Variants in ANK2 observed in about 807,000 individuals in gnomAD.
ANK2 encodes the protein ankyrin-2.
ANK2 carries 83 observed loss-of-function variants against 360.5 expected under a neutral mutation model. That is an observed-to-expected ratio of 0.23 (90% CI 0.19 to 0.28). The LOEUF is 0.28. Ranked by LOEUF, ANK2 falls within the 10% of genes least tolerant of loss-of-function variation. The probability of loss-of-function intolerance (pLI) is 1.00; values close to 1 mark genes in which losing one functional copy is unlikely to be tolerated. For missense variants in ANK2, 4,201 were observed against 4,795.7 expected, an observed-to-expected ratio of 0.88 and a Z score of 3.66; for synonymous variants, 1,740 against 1,759.5, an observed-to-expected ratio of 0.99 and a Z score of 0.28.
intron 2 of ANK2, among the ~76,000 whole-genome samples, chr4:113,038,698 A>G (rs1057043307): frequency 1.3e-5 from 2 of 152,096 alleles, no homozygotes; most frequent in South Asian, 2.1e-4. Context: ...CCTTAATTGG[A>G]CAGGCACTTG....
chr4:112,950,649 G>GA (rs55980674), intron 2 of ANK2, among the ~76,000 whole-genome samples: 34 of 118,780 alleles, frequency 2.9e-4, no homozygotes, highest in Middle Eastern at 4.5e-3. Flanking sequence ...GTCTCAAAAA[G>GA]AAAAAAAAAA....
In ANK2 at chr4:113,049,943, C is replaced by T. The variant is rs1051727013; in HGVS notation, c.84+131C>T. 3 of 1,210,020 alleles carry T rather than the reference C, an allele frequency of 2.5e-6. No homozygotes were observed. The African/African-American group carries it at 4.6e-5, about 18-fold the overall frequency. The allele number at this position is 1,210,020 out of a possible 1,614,324, so 75.0% of individuals were successfully genotyped here. On this transcript the variant is annotated intron_variant, in intron 1 of 45. Coordinates refer to ENST00000357077, the MANE Select transcript of ANK2 (RefSeq NM_001148.6). ...ACTGTAGACGATAACAGTGCCAAGC[C>T]TTGCTTTTTAAAGAGGCAGGTGCAA... is the stretch of plus-strand genomic sequence containing the variant.
chr4:113,012,812 A>T (rs961294), intron 2 of ANK2, among the ~76,000 whole-genome samples: 84,834 of 151,950 alleles, frequency 0.56, 25,539 homozygotes, highest in Non-Finnish European at 0.69. Context: ...TATTGAATAT[A>T]CATATCACAT....
intron 2 of ANK2, among the ~76,000 whole-genome samples, chr4:113,037,494 C>T (rs879761648): frequency 6.6e-6 from 1 of 151,854 alleles, no homozygotes; most frequent in Non-Finnish European, 1.5e-5. Context: ...TTTTTTGACA[C>T]TTATGCAAGA....
chr4:113,096,233 A>G (rs2090971124), intron 1 of ANK2, among the ~76,000 whole-genome samples: 1 of 152,188 alleles, frequency 6.6e-6, no homozygotes, highest in Admixed American at 6.6e-5. Flanking sequence ...GCTGTTTACA[A>G]AAGTCTCCCA....
intron 1 of ANK2, among the ~76,000 whole-genome samples, chr4:112,887,549 A>C (rs1282776969): frequency 1.3e-5 from 2 of 152,224 alleles, no homozygotes; most frequent in Non-Finnish European, 2.9e-5. Context: ...TATATGAATA[A>C]AAGATATGTG....
intron 10 of ANK2, among the ~76,000 whole-genome samples, chr4:113,254,224 A>C (rs753371190): frequency 2.0e-5 from 3 of 152,064 alleles, no homozygotes; most frequent in Non-Finnish European, 4.4e-5. Flanking sequence ...AATATACTAT[A>C]TACTTTAATT....
intron 2 of ANK2, among the ~76,000 whole-genome samples, chr4:113,018,714 G>C (rs1243794060): frequency 6.6e-6 from 1 of 152,214 alleles, no homozygotes; most frequent in Non-Finnish European, 1.5e-5. Flanking sequence ...GGTTGTTCTT[G>C]ATCATGCTTC....
At chr4:112,926,507 C>T (rs549307684) in intron 2 of ANK2, among the ~76,000 whole-genome samples, 2 of 152,252 alleles carry the variant, frequency 1.3e-5, no homozygotes, top group East Asian at 1.9e-4. Flanking sequence ...CTGAAATGGG[C>T]AGAAGAAATC....
chr4:112,741,573 A>G, the ANK2 span, among the ~76,000 whole-genome samples: 8 of 152,328 alleles, frequency 5.3e-5, no homozygotes, highest in East Asian at 1.3e-3. Flanking sequence ...GCCTAGTGTA[A>G]GCATTGCTCG....
chr4:113,352,811 T>A (rs938580145), intron 37 of ANK2, among the ~76,000 whole-genome samples: 1 of 152,074 alleles, frequency 6.6e-6, no homozygotes, highest in Non-Finnish European at 1.5e-5. Flanking sequence ...GTGAGAAAAA[T>A]TAAGCAAGTT....
At chr4:112,781,272 G>T in the ANK2 span, among the ~76,000 whole-genome samples, 6 of 152,020 alleles carry the variant, frequency 3.9e-5, no homozygotes, top group Non-Finnish European at 8.8e-5. Flanking sequence ...GCTAATTTTT[G>T]TATTTTTAGT....
At chr4:113,040,232 A>G (rs908624234) in intron 2 of ANK2, among the ~76,000 whole-genome samples, 1 of 152,056 alleles carries the variant, frequency 6.6e-6, no homozygotes, top group African/African-American at 2.4e-5. Flanking sequence ...ACATTTTGTT[A>G]TTCTTCAGTG....
chr4:112,833,863 A>T (rs751243602), intron 1 of ANK2, among the ~76,000 whole-genome samples: 69 of 152,244 alleles, frequency 4.5e-4, no homozygotes, highest in Non-Finnish European at 7.9e-4. Context: ...GTTCAAAAGG[A>T]TAAATAAGTC....
chr4:112,903,566 C>G (rs74701080), intron 1 of ANK2, among the ~76,000 whole-genome samples: 1,843 of 152,072 alleles, frequency 0.012, 36 homozygotes, highest in African/African-American at 0.041. Flanking sequence ...AGAAGCATGG[C>G]CATATATTAG....
At chr4:112,915,950 A>G (rs1046795919) in intron 2 of ANK2, among the ~76,000 whole-genome samples, 3 of 152,070 alleles carry the variant, frequency 2.0e-5, no homozygotes, top group African/African-American at 7.2e-5. Context: ...TATATACGGA[A>G]CATAAAAAAT....
chr4:112,908,059 A>G (rs2085849233), intron 2 of ANK2, among the ~76,000 whole-genome samples: 1 of 152,208 alleles, frequency 6.6e-6, no homozygotes, highest in Non-Finnish European at 1.5e-5. Context: ...GGCTGAAAAC[A>G]TCCATAAAGA....
chr4:113,336,805 G>C (rs756142243), intron 31 of ANK2, 24 bp downstream of exon 31: 5 of 1,608,238 alleles, frequency 3.1e-6, no homozygotes, highest in African/African-American at 1.3e-5. Context: ...GACTGTGTTC[G>C]TAGAGAGTTC....
chr4:112,774,814 C>T, the ANK2 span, among the ~76,000 whole-genome samples: 1 of 152,170 alleles, frequency 6.6e-6, no homozygotes, highest in South Asian at 2.1e-4. Flanking sequence ...AACTTATTGT[C>T]CCATTAAAGA....
Sources: allele counts gnomAD v4.1 joint callset (sites outside exome capture counted in the v4.1 genomes callset), GRCh38; gene constraint gnomAD v4.1.1; transcripts MANE v1.5; gene names NCBI Gene and HGNC (gene_info 2026-07-23, HGNC 2026-07-21).